C1QTNF3: variants seen among roughly 807,000 people sequenced by gnomAD.
The protein encoded by C1QTNF3 is complement C1q tumor necrosis factor-related protein 3.
A neutral mutation model predicts 32.6 loss-of-function variants in C1QTNF3; 26 were observed. The observed-to-expected ratio is 0.80, with a 90% confidence interval of 0.58 to 1.11. The LOEUF (loss-of-function observed/expected upper bound fraction) is 1.11, where lower values mean the gene tolerates loss of function less well. Among genes scored for constraint, C1QTNF3 ranks in the 50% least tolerant of loss-of-function variants. The probability of loss-of-function intolerance (pLI) is 0.00; values close to 1 mark genes in which losing one functional copy is unlikely to be tolerated. For missense variants in C1QTNF3, 362 were observed against 398.2 expected (o/e 0.91, Z 0.77); for synonymous variants, 155 against 146.0 (o/e 1.06, Z -0.44).
At position 34,028,122 on chromosome 5, in the gene C1QTNF3, G is replaced by A. The variant is rs527895074; in HGVS notation, c.700+632C>T. On this transcript the variant is annotated intron_variant, in intron 4 of 5. Transcript: ENST00000382065. ...TGAGTAGCTGGGACTACAGGCGCCC[G>A]CCACCACGCCCGGCTAATATTTTGT... 5.3e-5 allele frequency among the ~76,000 whole-genome samples: 8 copies of A among 152,162 alleles called. No homozygotes were observed. In the South Asian group the frequency reaches 6.2e-4, roughly 12 times the overall value.
the C1QTNF3 span, among the ~76,000 whole-genome samples, chr5:34,206,933 G>C: frequency 6.6e-6 from 1 of 152,174 alleles, no homozygotes; most frequent in Non-Finnish European, 1.5e-5. Context: ...TAAGCTCTGA[G>C]AGCAAACCCT....
chr5:34,075,100 C>T, the C1QTNF3 span, among the ~76,000 whole-genome samples: 1 of 151,724 alleles, frequency 6.6e-6, no homozygotes, highest in African/African-American at 2.4e-5. Context: ...TGCAAAAATA[C>T]AGTGGATCCA....
the C1QTNF3 span, among the ~76,000 whole-genome samples, chr5:34,197,744 C>T: frequency 1.3e-5 from 2 of 151,746 alleles, no homozygotes; most frequent in African/African-American, 4.9e-5. Context: ...TTTGCACTGT[C>T]GCTATAGAAT....
the C1QTNF3 span, among the ~76,000 whole-genome samples, chr5:34,232,251 G>A: frequency 6.6e-6 from 1 of 152,142 alleles, no homozygotes. Context: ...ACTTGTTTTT[G>A]ATTTTACAGG....
At position 34,019,490 on chromosome 5, in the gene C1QTNF3, C is replaced by T. The variant is rs1455256912; in HGVS notation, c.*1093G>A. ...AGATTTTATTTGTGAGCCCTCTAAACATCAATGTCTTAAAGGGTTGACATT... is the reference window on the plus strand; with the variant it reads ...AGATTTTATTTGTGAGCCCTCTAAATATCAATGTCTTAAAGGGTTGACATT... On this transcript the variant is annotated 3_prime_UTR_variant, in exon 6 of 6. Coordinates refer to ENST00000382065, the MANE Select transcript of C1QTNF3 (RefSeq NM_181435.6). 1 of 152,236 alleles carries T rather than the reference C, an allele frequency of 6.6e-6. No homozygotes were observed. Among genetic ancestry groups the T allele is most frequent in the African/African-American group, 2.4e-5 (1 of 41,460 alleles). The allele number at this position is 152,236 out of a possible 1,614,324, so 9.4% of individuals were successfully genotyped here. A position where few individuals can be genotyped will look rare whatever the true frequency, so the allele number is the denominator to read the frequency against.
chr5:34,224,074 C>T, the C1QTNF3 span, among the ~76,000 whole-genome samples: 3 of 152,190 alleles, frequency 2.0e-5, no homozygotes, highest in East Asian at 5.8e-4. Context: ...GAATCAAATA[C>T]CTAGGAATCC....
At chr5:34,132,435 GTATATATATA>G in the C1QTNF3 span, among the ~76,000 whole-genome samples, 42 of 137,740 alleles carry the variant, frequency 3.0e-4, no homozygotes, top group East Asian at 8.9e-4. Context: ...GTATGTGTAT[GTATATATATA>G]TATATATATA....
chr5:34,065,305 G>A, the C1QTNF3 span, among the ~76,000 whole-genome samples: 7 of 152,012 alleles, frequency 4.6e-5, no homozygotes, highest in Admixed American at 2.6e-4. Flanking sequence ...ATTACACATC[G>A]TAAGAAAAAT....
the C1QTNF3 span, among the ~76,000 whole-genome samples, chr5:34,211,534 C>A: frequency 8.7e-6 from 1 of 114,728 alleles, no homozygotes; most frequent in Non-Finnish European, 1.7e-5. Flanking sequence ...AATGCTATCC[C>A]TCCCCCCTCC....
chr5:34,205,359 C>T, the C1QTNF3 span, among the ~76,000 whole-genome samples: 1 of 152,088 alleles, frequency 6.6e-6, no homozygotes, highest in Non-Finnish European at 1.5e-5. Flanking sequence ...CATTTTGTCC[C>T]CTCTCAAACC....
the C1QTNF3 span, among the ~76,000 whole-genome samples, chr5:34,102,916 G>A: frequency 1.8e-4 from 21 of 117,262 alleles, no homozygotes; most frequent in African/African-American, 5.4e-4. Context: ...CACCAACATG[G>A]CACATGTATA....
the C1QTNF3 span, among the ~76,000 whole-genome samples, chr5:34,154,370 A>C: frequency 2.0e-5 from 3 of 152,186 alleles, no homozygotes; most frequent in African/African-American, 7.2e-5. Context: ...TTTTTTAATG[A>C]GGATCACAAT....
the C1QTNF3 span, among the ~76,000 whole-genome samples, chr5:34,182,474 CAAATAAATAAATAAATAAATAAAT>C: frequency 7.0e-6 from 1 of 143,314 alleles, no homozygotes; most frequent in Non-Finnish European, 1.6e-5. Context: ...GAGACCATCA[CAAATAAATAAATAAATAAATAAAT>C]AAATAAATAA....
the C1QTNF3 span, among the ~76,000 whole-genome samples, chr5:34,063,272 C>T: frequency 6.9e-6 from 1 of 144,240 alleles, no homozygotes; most frequent in South Asian, 2.3e-4. Context: ...GACTTTCTGC[C>T]TTTCTCTCTC....
At chr5:34,062,534 G>A in the C1QTNF3 span, among the ~76,000 whole-genome samples, 1 of 152,176 alleles carries the variant, frequency 6.6e-6, no homozygotes, top group Non-Finnish European at 1.5e-5. Flanking sequence ...AGTACTTTAA[G>A]GCTTGGCTGA....
the C1QTNF3 span, among the ~76,000 whole-genome samples, chr5:34,090,170 T>C: frequency 6.6e-6 from 1 of 150,960 alleles, no homozygotes; most frequent in Non-Finnish European, 1.5e-5. Context: ...GAAGTAGAAA[T>C]TGCCAAATCT....
the C1QTNF3 span, among the ~76,000 whole-genome samples, chr5:34,155,151 G>A: frequency 6.6e-6 from 1 of 151,990 alleles, no homozygotes; most frequent in South Asian, 2.1e-4. Flanking sequence ...TCAAGATTAT[G>A]ACTAAAAAGG....
the C1QTNF3 span, among the ~76,000 whole-genome samples, chr5:34,115,755 G>C: frequency 1.3e-5 from 2 of 150,730 alleles, no homozygotes; most frequent in African/African-American, 4.9e-5. Flanking sequence ...AAAACTTTCA[G>C]CTGGTATGTC....
At chr5:34,216,018 C>T in the C1QTNF3 span, among the ~76,000 whole-genome samples, 1 of 152,320 alleles carries the variant, frequency 6.6e-6, no homozygotes, top group South Asian at 2.1e-4. Flanking sequence ...GTGGTCACCA[C>T]ACAGATTCCC....
Sources: allele counts gnomAD v4.1 joint callset (sites outside exome capture counted in the v4.1 genomes callset), GRCh38; gene constraint gnomAD v4.1.1; transcripts MANE v1.5; gene names NCBI Gene and HGNC (gene_info 2026-07-23, HGNC 2026-07-21).